The following POLR3A variants were observed in gnomAD, a reference collection of about 807,000 sequenced individuals.
POLR3A encodes RNA polymerase III subunit A.
POLR3A carries 112 observed loss-of-function variants against 152.8 expected under a neutral mutation model. That is an observed-to-expected ratio of 0.73 (90% CI 0.63 to 0.86). The LOEUF (loss-of-function observed/expected upper bound fraction) is 0.86, where lower values mean the gene tolerates loss of function less well. POLR3A is among the 40% of genes least tolerant of loss of function. The probability of loss-of-function intolerance (pLI) is 0.00; values close to 1 mark genes in which losing one functional copy is unlikely to be tolerated. For synonymous variants in POLR3A, 615 were observed against 652.1 expected (o/e 0.94, Z 0.87); for missense variants, 1,385 against 1,743.1 (o/e 0.79, Z 3.66).
intron 27 of POLR3A, 63 bp from the exon 28 acceptor site, chr10:77,982,381 T>C (rs1414598603): frequency 2.0e-6 from 3 of 1,486,750 alleles, no homozygotes; most frequent in African/African-American, 2.8e-5. Context: ...CTGATCACCT[T>C]GATCACCCCA....
intron 5 of POLR3A, among the ~76,000 whole-genome samples, chr10:78,023,217 T>C (rs1239226423): frequency 6.6e-6 from 1 of 151,632 alleles, no homozygotes; most frequent in East Asian, 1.9e-4. Flanking sequence ...TCCCAGCACT[T>C]AGAGGGGCTG....
At chr10:77,985,091 T>C (rs927178143) in intron 24 of POLR3A, 79 bp downstream of exon 24, 4 of 1,132,514 alleles carry the variant, frequency 3.5e-6, no homozygotes, top group Admixed American at 1.7e-5. Flanking sequence ...ATCACACATA[T>C]GCATGTGACA....
At chr10:78,022,689 A>C (rs947171415) in intron 5 of POLR3A, among the ~76,000 whole-genome samples, 6 of 152,258 alleles carry the variant, frequency 3.9e-5, no homozygotes, top group Non-Finnish European at 8.8e-5. Context: ...TCCGTGTGAC[A>C]GAATAGGAAG....
intron 30 of POLR3A, among the ~76,000 whole-genome samples, chr10:77,979,088 T>G (rs1009780832): frequency 6.6e-6 from 1 of 152,144 alleles, no homozygotes; most frequent in African/African-American, 2.4e-5. Context: ...GCTGGGACAA[T>G]AGCAACACCA....
At chr10:78,025,993 TGAG>T in intron 2 of POLR3A, 98 bp downstream of exon 2, 1 of 1,447,766 alleles carries the variant, frequency 6.9e-7, no homozygotes, top group Admixed American at 1.7e-5. Flanking sequence ...AGGGGGGAAT[TGAG>T]GAGATGGAAG....
intron 29 of POLR3A, 21 bp downstream of exon 29, chr10:77,981,407 G>A (rs767164221): frequency 1.9e-6 from 3 of 1,611,502 alleles, no homozygotes; most frequent in Non-Finnish European, 2.5e-6. Flanking sequence ...CAGGCAGCCC[G>A]GGGGCCTCCT....
rs1324739807 is a variant in POLR3A, at chr10:78,029,456, A to G, written c.-49T>C. On this transcript the variant is annotated 5_prime_UTR_variant, in exon 1 of 31. Coordinates refer to ENST00000372371, the MANE Select transcript of POLR3A (RefSeq NM_007055.4). The stretch of plus-strand genomic sequence containing the variant: ...CTTGGCACTCGGGAGGCCAGATTAG[A>G]GAAACGATGCCCCCAGCACCTCCTG... 2 of 1,600,152 alleles carry G rather than the reference A, an allele frequency of 1.2e-6. No homozygotes were observed. Among genetic ancestry groups the G allele is most frequent in the Non-Finnish European group, 1.7e-6 (2 of 1,167,956 alleles).
chr10:77,987,335 G>A (rs1344348063), intron 21 of POLR3A, among the ~76,000 whole-genome samples: 1 of 152,160 alleles, frequency 6.6e-6, no homozygotes, highest in Non-Finnish European at 1.5e-5. Flanking sequence ...TAGCAGCAAG[G>A]AAATCACAGT....
intron 11 of POLR3A, among the ~76,000 whole-genome samples, chr10:78,011,729 C>T (rs1449875194): frequency 1.3e-5 from 2 of 152,188 alleles, no homozygotes; most frequent in African/African-American, 4.8e-5. Flanking sequence ...AAAAGGTCTC[C>T]TGGGTAATTT....
rs767501574 is a variant in POLR3A at position 77,982,248 on chromosome 10, T to C, written c.3665A>G (p.Lys1222Arg). The change falls in exon 28 of 31, where the codon AAG becomes AGG. Residue 1222 changes from lysine (K) to arginine (R), a missense_variant. Around this residue, in one of 7 missense-constraint regions of POLR3A, gnomAD observed 332 missense variants for 400.1 expected, o/e 0.83. Transcript: ENST00000372371. ...ATCACCTTCCACCAGAAGCTTGTAC[T>C]TCTCCTTTCCACTCTGCTCGTCAAT... is the stretch of plus-strand genomic sequence containing the variant. ...IHIDEQSGKEKYKLLVEGDNL... is the reference protein window; with the variant it reads ...IHIDEQSGKERYKLLVEGDNL... 6.2e-7 allele frequency: 1 copy of C among 1,613,960 alleles called. No homozygotes were observed. The highest frequency in any genetic ancestry group is 8.5e-7 in the Non-Finnish European group (1 of 1,179,972).
Position 78,025,618 on chromosome 10 carries a change from T to G in POLR3A, c.318+4A>C. The G allele has an allele frequency of 1.9e-6, 3 of 1,614,154 alleles. No individual in the cohort carries two copies. The highest frequency in any genetic ancestry group is 1.7e-5 in the Admixed American group (1 of 60,024). ...GTCTTGGAAATCAGCACCTGTGTGC[T>G]TACCTGTAAGATGCCTATGACTGCT... is the stretch of plus-strand genomic sequence containing the variant. On this transcript the variant is annotated splice_donor_region_variant and intron_variant, in intron 3 of 30. Transcript: ENST00000372371.
At chr10:77,984,431 C>T (rs1360330896) in intron 24 of POLR3A, 133 bp from the exon 25 acceptor site, 7 of 693,438 alleles carry the variant, frequency 1.0e-5, no homozygotes, top group African/African-American at 1.8e-5. Flanking sequence ...GCAAGCTCTG[C>T]CTCCCAGGTT....
At chr10:78,005,277 G>A (rs1248815466) in intron 15 of POLR3A, among the ~76,000 whole-genome samples, 1 of 152,174 alleles carries the variant, frequency 6.6e-6, no homozygotes, top group Admixed American at 6.5e-5. Flanking sequence ...CAGGAGGCTC[G>A]CTTGATCCCA....
intron 1 of POLR3A, among the ~76,000 whole-genome samples, chr10:78,028,448 C>T (rs975323736): frequency 6.6e-6 from 1 of 152,132 alleles, no homozygotes; most frequent in Non-Finnish European, 1.5e-5. Context: ...CAGACCGTAT[C>T]TTTAACGTCC....
Position 77,977,644 on chromosome 10 carries a change from G to A in POLR3A, c.4025-18C>T. 3.1e-6 allele frequency: 5 copies of A among 1,605,776 alleles called. No individual in the cohort carries two copies. Among genetic ancestry groups the A allele is most frequent in the South Asian group, 1.1e-5 (1 of 90,902 alleles). On this transcript the variant is annotated intron_variant, in intron 30 of 30. Transcript: ENST00000372371. ...AGACACCCCTGAAACCAACCAGAAT[G>A]AACATCAGAGAGCCTCTAAACACAA...
At chr10:77,993,427 G>A in intron 19 of POLR3A, 60 bp from the exon 20 acceptor site, 1 of 1,296,418 alleles carries the variant, frequency 7.7e-7, no homozygotes. Flanking sequence ...ATGGGGAGAG[G>A]ATAAGATTTG....
chr10:77,995,746 GAAC>G (rs1231545737), intron 19 of POLR3A, among the ~76,000 whole-genome samples: 1 of 152,158 alleles, frequency 6.6e-6, no homozygotes, highest in African/African-American at 2.4e-5. Context: ...ACATTAGACA[GAAC>G]AACGAGACAG....
At chr10:77,999,951 T>C (rs760282124) in intron 19 of POLR3A, 30 bp downstream of exon 19, 3 of 1,611,856 alleles carry the variant, frequency 1.9e-6, no homozygotes, top group South Asian at 2.2e-5. Context: ...TCCTGCTCTG[T>C]TGCTAATGGC....
In POLR3A at chr10:78,021,618, G is replaced by A. The variant is rs535797845; in HGVS notation, c.1113C>T (p.Pro371=). 9.1e-5 allele frequency: 147 copies of A among 1,614,056 alleles called. No individual in the cohort carries two copies. Among genetic ancestry groups the A allele is most frequent in the Non-Finnish European group, 1.1e-4 (128 of 1,179,972 alleles). The change falls in exon 8 of 31, where the codon CCC becomes CCT. Residue 371 remains proline, a synonymous_variant. Transcript: ENST00000372371. ...CCTCATCAATCCGGAGGTTGGGGTC[G>A]GGCGAGATGACTGTTCTGCCAGAAA... is the stretch of plus-strand genomic sequence containing the variant. The part of the protein sequence containing the change: ...VDFSGRTVIS[P]DPNLRIDEVA...
Sources: allele counts gnomAD v4.1 joint callset (sites outside exome capture counted in the v4.1 genomes callset), GRCh38; gene constraint gnomAD v4.1.1; regional missense constraint gnomAD v4.1.1; transcripts MANE v1.5; gene names NCBI Gene and HGNC (gene_info 2026-07-23, HGNC 2026-07-21).